Variants in TNIK observed in about 807,000 individuals in gnomAD.
The protein encoded by TNIK is TRAF2 and NCK-interacting protein kinase.
In TNIK, 49 loss-of-function variants were observed where a neutral mutation model predicts 191.3. That is an observed-to-expected ratio of 0.26 (90% CI 0.20 to 0.32). TNIK has a LOEUF of 0.32. Ranked by LOEUF, TNIK falls within the 10% of genes least tolerant of loss-of-function variation. The pLI, the probability that TNIK is intolerant of heterozygous loss-of-function variation, is 1.00. For synonymous variants in TNIK, 594 were observed against 600.9 expected (o/e 0.99, Z 0.17); for missense variants, 1,155 against 1,702.3 (o/e 0.68, Z 5.66).
chr3:171,327,336 T>C (rs1384416311), intron 2 of TNIK, among the ~76,000 whole-genome samples: 1 of 152,200 alleles, frequency 6.6e-6, no homozygotes, highest in African/African-American at 2.4e-5. Context: ...CAATGCCATG[T>C]GGGTGTTCAC....
At chr3:171,214,157 C>T (rs1741187043) in intron 3 of TNIK, among the ~76,000 whole-genome samples, 1 of 151,488 alleles carries the variant, frequency 6.6e-6, no homozygotes, top group Non-Finnish European at 1.5e-5. Context: ...ACTGTTTATC[C>T]AGATTTTTAG....
At chr3:171,102,535 G>A (rs185903575) in intron 21 of TNIK, among the ~76,000 whole-genome samples, 2 of 152,222 alleles carry the variant, frequency 1.3e-5, no homozygotes, top group East Asian at 3.9e-4. Flanking sequence ...AAGCAGTTCT[G>A]CAAAAGCATG....
chr3:171,210,463 T>G (rs1306797636), intron 4 of TNIK, among the ~76,000 whole-genome samples: 3 of 152,182 alleles, frequency 2.0e-5, no homozygotes, highest in African/African-American at 4.8e-5. Flanking sequence ...AGCTGCCTCT[T>G]AGACTGTCAA....
At chr3:171,315,042 C>G (rs948591129) in intron 2 of TNIK, among the ~76,000 whole-genome samples, 3 of 152,126 alleles carry the variant, frequency 2.0e-5, no homozygotes, top group South Asian at 4.1e-4. Flanking sequence ...CACAAACCCC[C>G]CCTCCTGCTT....
intron 29 of TNIK, among the ~76,000 whole-genome samples, chr3:171,069,985 G>A (rs764675928): frequency 9.9e-5 from 15 of 152,194 alleles, no homozygotes; most frequent in Non-Finnish European, 1.8e-4. Flanking sequence ...GGGCTGGATA[G>A]GGTCTGTCAG....
chr3:171,450,283 A>G (rs1469190802), intron 1 of TNIK, among the ~76,000 whole-genome samples: 1 of 152,212 alleles, frequency 6.6e-6, no homozygotes, highest in Admixed American at 6.5e-5. Flanking sequence ...GTTCTCCTCT[A>G]CCATCTAATT....
chr3:171,413,770 A>G (rs1722705898), intron 1 of TNIK, among the ~76,000 whole-genome samples: 1 of 152,222 alleles, frequency 6.6e-6, no homozygotes, highest in East Asian at 1.9e-4. Context: ...TTAAGAGTAC[A>G]GGTTCGCAGT....
intron 2 of TNIK, among the ~76,000 whole-genome samples, chr3:171,322,989 T>C (rs1162823862): frequency 6.6e-6 from 1 of 152,156 alleles, no homozygotes; most frequent in Non-Finnish European, 1.5e-5. Context: ...GAACAGAATT[T>C]CATGATATGG....
At chr3:171,309,026 T>G (rs1753750496) in intron 2 of TNIK, among the ~76,000 whole-genome samples, 1 of 152,174 alleles carries the variant, frequency 6.6e-6, no homozygotes, top group African/African-American at 2.4e-5. Context: ...ACTACCATTT[T>G]GAACCAGCAA....
intron 2 of TNIK, among the ~76,000 whole-genome samples, chr3:171,330,251 C>T (rs763603551): frequency 3.3e-5 from 5 of 152,130 alleles, no homozygotes; most frequent in Non-Finnish European, 7.4e-5. Context: ...GAGTCTTAGA[C>T]AGCAAAATAG....
chr3:171,313,591 A>T (rs1261429757), intron 2 of TNIK, among the ~76,000 whole-genome samples: 1 of 152,186 alleles, frequency 6.6e-6, no homozygotes, highest in East Asian at 1.9e-4. Context: ...AAATAATTCT[A>T]ACAGTGTGAA....
chr3:171,146,893 C>CAAA (rs34998782), intron 12 of TNIK, among the ~76,000 whole-genome samples: 1 of 54,882 alleles, frequency 1.8e-5, no homozygotes, highest in African/African-American at 5.4e-5. Flanking sequence ...GACTTCATCT[C>CAAA]AAAAAAAAAA....
At chr3:171,426,141 A>C (rs1328849504) in intron 1 of TNIK, among the ~76,000 whole-genome samples, 3 of 152,042 alleles carry the variant, frequency 2.0e-5, no homozygotes, top group Non-Finnish European at 4.4e-5. Flanking sequence ...AATAGCAAAG[A>C]CTTGGAACCA....
intron 2 of TNIK, among the ~76,000 whole-genome samples, chr3:171,336,024 TTAAGTATCTTTAC>T (rs1219292121): frequency 1.3e-5 from 2 of 152,160 alleles, no homozygotes. Flanking sequence ...ATGACCGATG[TTAAGTATCTTTAC>T]ATATTCATAC....
rs144600415 is a variant in TNIK, at chr3:171,253,725, C to T, written c.124-25504G>A. ...CCCGAATCCTCTCTGAACAGATCACCGTTTCTCTACCCTCCCCAAGGGAAA... is the reference window on the plus strand; with the variant it reads ...CCCGAATCCTCTCTGAACAGATCACTGTTTCTCTACCCTCCCCAAGGGAAA... On this transcript the variant is annotated intron_variant, in intron 2 of 32. Transcript: ENST00000436636. 6.2e-4 allele frequency among the ~76,000 whole-genome samples: 94 copies of T among 151,958 alleles called. No homozygotes were observed. The East Asian group carries it at 9.3e-3, about 15-fold the overall frequency.
rs554542811 is a variant in TNIK at position 171,113,129 on chromosome 3, T to C, written c.2121-2252A>G. Among the ~76,000 whole-genome samples the C allele has an allele frequency of 7.9e-5, 12 of 152,332 alleles. No homozygotes were observed. In the South Asian group the frequency reaches 2.5e-3, roughly 32 times the overall value. ...CAGTTTTAAAAAGTGACTACTGAGG[T>C]AGAAGAATTTTTATTCATATTTGTT... On this transcript the variant is annotated intron_variant, in intron 18 of 32. Coordinates refer to ENST00000436636, the MANE Select transcript of TNIK (RefSeq NM_015028.4).
At chr3:171,284,906 G>C (rs1750853918) in intron 2 of TNIK, among the ~76,000 whole-genome samples, 1 of 152,192 alleles carries the variant, frequency 6.6e-6, no homozygotes. Context: ...AGCGTGCGCT[G>C]ACTAAAAGAC....
intron 19 of TNIK, 107 bp downstream of exon 19, chr3:171,110,607 A>G: frequency 7.2e-7 from 1 of 1,386,390 alleles, no homozygotes; most frequent in Non-Finnish European, 9.6e-7. Context: ...AGGATCACAC[A>G]GTGGTGGCCA....
At chr3:171,272,743 C>T (rs567135844) in intron 2 of TNIK, among the ~76,000 whole-genome samples, 1 of 152,194 alleles carries the variant, frequency 6.6e-6, no homozygotes, top group Non-Finnish European at 1.5e-5. Context: ...TTTCTCATTT[C>T]ACTGAGTTGT....
Sources: allele counts gnomAD v4.1 joint callset (sites outside exome capture counted in the v4.1 genomes callset), GRCh38; gene constraint gnomAD v4.1.1; transcripts MANE v1.5; gene names NCBI Gene and HGNC (gene_info 2026-07-23, HGNC 2026-07-21).